Variants in CEP112 observed in about 807,000 individuals in gnomAD.
CEP112 encodes the protein centrosomal protein of 112 kDa.
In CEP112, 127 loss-of-function variants were observed where a neutral mutation model predicts 153.0. The ratio of observed to expected loss-of-function variants is 0.83; its 90% CI spans 0.72 to 0.96. CEP112 has a LOEUF of 0.96. Among genes scored for constraint, CEP112 ranks in the 40% least tolerant of loss-of-function variants. CEP112 has a pLI of 0.00. For synonymous variants in CEP112, 358 were observed against 374.4 expected, an observed-to-expected ratio of 0.96 and a Z score of 0.51; for missense variants, 1,089 against 1,101.2, an observed-to-expected ratio of 0.99 and a Z score of 0.16.
chr17:66,027,506 T>C lies in CEP112; in HGVS notation c.1651A>G (p.Lys551Glu), dbSNP rs17704679. The C allele has an allele frequency of 0.52, 690,834 of 1,337,246 alleles. 186,606 individuals are homozygous for C. Among genetic ancestry groups the C allele is most frequent in the African/African-American group, 0.59 (38,746 of 65,824 alleles). The allele number at this position is 1,337,246 out of a possible 1,614,324, so 82.8% of individuals were successfully genotyped here. A position where few individuals can be genotyped will look rare whatever the true frequency, so the allele number is the denominator to read the frequency against. ...GCTTCCATAAAACATATTACCTTTT[T>C]TTCATAGATGTGTTTTAAATGACTT... ...EKSHLKHIYE[K>E]KAHDLQSELD... The change falls in exon 16 of 27, where the codon AAA becomes GAA. Residue 551 changes from lysine (K) to glutamate (E), a missense_variant. Physicochemically the swap from Lys to Glu is moderately conservative, Grantham distance 56. Transcript: ENST00000535342.
At chr17:65,789,691 GA>G (rs1461565392) in intron 21 of CEP112, among the ~76,000 whole-genome samples, 11 of 78,856 alleles carry the variant, frequency 1.4e-4, no homozygotes, top group South Asian at 3.5e-4. Flanking sequence ...ATAATCATTT[GA>G]ACATCAGGAA....
chr17:65,704,263 C>A (rs546992106), intron 23 of CEP112, among the ~76,000 whole-genome samples: 1 of 152,286 alleles, frequency 6.6e-6, no homozygotes, highest in Admixed American at 6.5e-5. Flanking sequence ...CACACCTTGA[C>A]TTCGGACTTG....
chr17:65,959,711 G>T lies in CEP112; in HGVS notation c.1872+1752C>A, dbSNP rs554175624. On this transcript the variant is annotated intron_variant, in intron 18 of 26. Coordinates refer to ENST00000535342, the MANE Select transcript of CEP112 (RefSeq NM_001199165.4). Reference sequence around the variant, plus strand: ...GTGGAAGCTGCTTGCAGTATACCTGGTCCAGCCACAGCCTCACAGAGAGCT... The same window carrying T: ...GTGGAAGCTGCTTGCAGTATACCTGTTCCAGCCACAGCCTCACAGAGAGCT... Among the ~76,000 whole-genome samples, 474 of 152,242 alleles carry T rather than the reference G, an allele frequency of 3.1e-3. 2 individuals carry two copies. The highest frequency in any genetic ancestry group is 0.01 in the Middle Eastern group (3 of 294).
At chr17:65,699,908 T>C (rs1297579393) in intron 23 of CEP112, among the ~76,000 whole-genome samples, 1 of 152,234 alleles carries the variant, frequency 6.6e-6, no homozygotes, top group African/African-American at 2.4e-5. Context: ...TTATGAGACT[T>C]GTTCTCTGCA....
At chr17:65,821,517 TATA>T (rs1568067113) in intron 21 of CEP112, among the ~76,000 whole-genome samples, 1 of 27,892 alleles carries the variant, frequency 3.6e-5, no homozygotes, top group Non-Finnish European at 6.2e-5. Flanking sequence ...TATATAATTA[TATA>T]TATATATATA....
At chr17:65,745,004 C>A (rs1380141003) in intron 22 of CEP112, among the ~76,000 whole-genome samples, 1 of 152,102 alleles carries the variant, frequency 6.6e-6, no homozygotes, top group Non-Finnish European at 1.5e-5. Context: ...TATTTGGTGA[C>A]AAAACAAGAT....
At chr17:66,161,336 T>C (rs967573592) in intron 4 of CEP112, among the ~76,000 whole-genome samples, 1 of 152,218 alleles carries the variant, frequency 6.6e-6, no homozygotes, top group African/African-American at 2.4e-5. Context: ...TTACTGGGTA[T>C]ATACCCAAAG....
chr17:65,763,936 T>C (rs560428799), intron 21 of CEP112, among the ~76,000 whole-genome samples: 1 of 152,172 alleles, frequency 6.6e-6, no homozygotes, highest in Admixed American at 6.6e-5. Context: ...AAAAAGGCTT[T>C]AATCATGTGG....
chr17:65,695,597 T>C (rs2048315897), intron 23 of CEP112, among the ~76,000 whole-genome samples: 1 of 152,224 alleles, frequency 6.6e-6, no homozygotes, highest in Non-Finnish European at 1.5e-5. Flanking sequence ...AAACACAAGT[T>C]CATTTCAATT....
chr17:66,189,221 C>T (rs2073066309), intron 1 of CEP112, among the ~76,000 whole-genome samples: 1 of 152,126 alleles, frequency 6.6e-6, no homozygotes, highest in Admixed American at 6.5e-5. Context: ...ATTTTGAAGG[C>T]CAGGCGCGTT....
At chr17:66,147,561 C>T (rs543358637) in intron 4 of CEP112, among the ~76,000 whole-genome samples, 23 of 151,926 alleles carry the variant, frequency 1.5e-4, no homozygotes, top group African/African-American at 4.6e-4. Flanking sequence ...GTATATTTGG[C>T]CTCATATCCA....
At chr17:65,777,255 C>T (rs1453381440) in intron 21 of CEP112, among the ~76,000 whole-genome samples, 1 of 152,130 alleles carries the variant, frequency 6.6e-6, no homozygotes, top group African/African-American at 2.4e-5. Context: ...GAGGACTGCA[C>T]CACAGGGATG....
intron 12 of CEP112, chr17:66,043,171 T>C (rs1210329489): frequency 3.7e-6 from 2 of 540,034 alleles, no homozygotes; most frequent in African/African-American, 4.1e-5. Context: ...AAGTTCACTT[T>C]CATTTTCACC....
intron 8 of CEP112, among the ~76,000 whole-genome samples, chr17:66,089,488 A>C (rs1371963051): frequency 6.6e-6 from 1 of 152,206 alleles, no homozygotes; most frequent in Non-Finnish European, 1.5e-5. Context: ...TTAACAGAGA[A>C]ATTTTTTAAA....
chr17:65,748,008 A>G (rs1454255464), intron 22 of CEP112, among the ~76,000 whole-genome samples: 1 of 152,202 alleles, frequency 6.6e-6, no homozygotes, highest in Non-Finnish European at 1.5e-5. Flanking sequence ...TGTTCTCATC[A>G]GCCTAATGAG....
At chr17:65,949,659 T>C (rs746091009) in intron 18 of CEP112, among the ~76,000 whole-genome samples, 3 of 152,178 alleles carry the variant, frequency 2.0e-5, no homozygotes, top group Non-Finnish European at 2.9e-5. Flanking sequence ...CTGGCAGAAT[T>C]GAAGAAGTAA....
intron 23 of CEP112, among the ~76,000 whole-genome samples, chr17:65,701,390 G>T (rs556713198): frequency 6.6e-6 from 1 of 152,148 alleles, no homozygotes; most frequent in Non-Finnish European, 1.5e-5. Context: ...TGCATGACAC[G>T]GATTCAACAG....
At chr17:66,019,977 G>GT (rs558282374) in intron 16 of CEP112, among the ~76,000 whole-genome samples, 1 of 152,290 alleles carries the variant, frequency 6.6e-6, no homozygotes, top group African/African-American at 2.4e-5. Flanking sequence ...CTCTATGTGC[G>GT]TAACAGTCCT....
intron 21 of CEP112, among the ~76,000 whole-genome samples, chr17:65,773,432 A>G (rs182398710): frequency 3.3e-5 from 5 of 152,016 alleles, no homozygotes; most frequent in Admixed American, 3.3e-4. Flanking sequence ...TATAATACTC[A>G]TTTTCTTCTG....
Sources: allele counts gnomAD v4.1 joint callset (sites outside exome capture counted in the v4.1 genomes callset), GRCh38; gene constraint gnomAD v4.1.1; transcripts MANE v1.5; gene names NCBI Gene and HGNC (gene_info 2026-07-23, HGNC 2026-07-21).